The following ENOX1 variants were observed in gnomAD, a reference collection of about 807,000 sequenced individuals.
ENOX1 encodes candidate growth-related and time keeping constitutive hydroquinone (NADH) oxidase.
Under a neutral mutation model 82.5 loss-of-function variants are expected in ENOX1, and 42 were observed. The observed-to-expected ratio is 0.51, with a 90% CI of 0.40 to 0.66. ENOX1 has a LOEUF of 0.66. ENOX1 is among the 30% of genes least tolerant of loss of function. The pLI, the probability that ENOX1 is intolerant of heterozygous loss-of-function variation, is 0.00. For synonymous variants in ENOX1, 271 were observed against 282.2 expected (o/e 0.96, Z 0.40); for missense variants, 608 against 811.6 (o/e 0.75, Z 3.05).
intron 11 of ENOX1, among the ~76,000 whole-genome samples, chr13:43,304,164 A>T (rs2046737555): frequency 6.6e-6 from 1 of 152,188 alleles, no homozygotes; most frequent in African/African-American, 2.4e-5. Context: ...TTTGGGCAAA[A>T]GGCACAGTCA....
chr13:43,450,169 T>C (rs1272828075), intron 3 of ENOX1, among the ~76,000 whole-genome samples: 1 of 152,214 alleles, frequency 6.6e-6, no homozygotes, highest in Admixed American at 6.5e-5. Flanking sequence ...AAGTAAGTTC[T>C]GGCTGATGAG....
chr13:43,467,215 T>C (rs911369977), intron 3 of ENOX1, among the ~76,000 whole-genome samples: 8 of 152,214 alleles, frequency 5.3e-5, no homozygotes, highest in Admixed American at 5.2e-4. Context: ...TTACAGCACT[T>C]TACAATCCCA....
At chr13:43,370,623 G>A (rs7329258) in intron 5 of ENOX1, among the ~76,000 whole-genome samples, 1 of 151,790 alleles carries the variant, frequency 6.6e-6, no homozygotes, top group Non-Finnish European at 1.5e-5. Flanking sequence ...TGGGCATCTG[G>A]CCTACTCTAC....
chr13:43,598,192 A>G (rs9525807), intron 2 of ENOX1, among the ~76,000 whole-genome samples: 147,205 of 151,658 alleles, frequency 0.97, 71,602 homozygotes, highest in East Asian at 1. Context: ...ACACTACAAA[A>G]TAGGCCTTTA....
At chr13:43,258,899 C>T (rs542669102) in intron 14 of ENOX1, among the ~76,000 whole-genome samples, 26 of 152,262 alleles carry the variant, frequency 1.7e-4, no homozygotes, top group African/African-American at 6.3e-4. Context: ...GACCTACAGG[C>T]AGAGAATGAG....
intron 11 of ENOX1, 21 bp downstream of exon 11, chr13:43,322,363 T>C (rs774747289): frequency 6.3e-7 from 1 of 1,576,862 alleles, no homozygotes; most frequent in African/African-American, 1.3e-5. Flanking sequence ...CTCATGGGTC[T>C]GTGGCAGTTA....
rs1168474466 is a variant in ENOX1 at position 43,466,552 on chromosome 13, T to TA, written c.-75+17456dup. 2.6e-5 allele frequency among the ~76,000 whole-genome samples: 4 copies of TA among 152,264 alleles called. 1 individual carries two copies. Among genetic ancestry groups the TA allele is most frequent in the Admixed American group, 1.3e-4 (2 of 15,282 alleles). On this transcript the variant is annotated intron_variant, in intron 3 of 16. Coordinates refer to ENST00000690772, the MANE Select transcript of ENOX1 (RefSeq NM_001347969.2). Reference sequence around the variant, plus strand: ...AACTTTCTGAATGGTATATTTTGTATAAAAAATCCCATTAAACCTACCAAA... The same window carrying TA: ...AACTTTCTGAATGGTATATTTTGTATAAAAAAATCCCATTAAACCTACCAAA...
chr13:43,699,211 A>C (rs2086790584), intron 1 of ENOX1, among the ~76,000 whole-genome samples: 1 of 152,194 alleles, frequency 6.6e-6, no homozygotes, highest in South Asian at 2.1e-4. Flanking sequence ...TCAGCTAAGA[A>C]ATGACTTGAG....
chr13:43,507,440 A>G (rs1272817693), intron 2 of ENOX1, among the ~76,000 whole-genome samples: 3 of 152,058 alleles, frequency 2.0e-5, no homozygotes, highest in African/African-American at 7.2e-5. Flanking sequence ...TAACTTACAA[A>G]GGGGCAGGAA....
chr13:43,627,755 T>C (rs2083028961), intron 2 of ENOX1, among the ~76,000 whole-genome samples: 1 of 152,074 alleles, frequency 6.6e-6, no homozygotes, highest in African/African-American at 2.4e-5. Flanking sequence ...TATTGTTTCT[T>C]TTCTATTTAG....
At chr13:43,666,789 G>A (rs941023441) in intron 2 of ENOX1, among the ~76,000 whole-genome samples, 1 of 152,150 alleles carries the variant, frequency 6.6e-6, no homozygotes, top group Non-Finnish European at 1.5e-5. Context: ...CCTAATGTGG[G>A]TCTATCTATG....
intron 2 of ENOX1, among the ~76,000 whole-genome samples, chr13:43,609,534 C>A (rs1360583417): frequency 6.6e-6 from 1 of 152,194 alleles, no homozygotes; most frequent in East Asian, 1.9e-4. Flanking sequence ...CTCCTCTCAT[C>A]TAATGACAAC....
chr13:43,773,207 C>G (rs954991307), intron 1 of ENOX1, among the ~76,000 whole-genome samples: 1 of 152,214 alleles, frequency 6.6e-6, no homozygotes, highest in Non-Finnish European at 1.5e-5. Flanking sequence ...CAGACCACAT[C>G]ACTTCCCTTA....
chr13:43,652,751 G>T (rs562953572), intron 2 of ENOX1, among the ~76,000 whole-genome samples: 27 of 152,296 alleles, frequency 1.8e-4, no homozygotes, highest in African/African-American at 5.8e-4. Context: ...GGGCAGGAAG[G>T]TCTGGGAGGC....
chr13:43,756,167 C>A (rs1950628339), intron 1 of ENOX1, among the ~76,000 whole-genome samples: 1 of 152,136 alleles, frequency 6.6e-6, no homozygotes, highest in Admixed American at 6.5e-5. Context: ...GTGGCTCATG[C>A]CTGTAATCCC....
chr13:43,544,603 G>A (rs2078893948), intron 2 of ENOX1: 1 of 152,080 alleles, frequency 6.6e-6, no homozygotes, highest in Non-Finnish European at 1.5e-5. Flanking sequence ...TCCTGATAGA[G>A]TACACTTATT....
intron 2 of ENOX1, among the ~76,000 whole-genome samples, chr13:43,584,003 C>A (rs569338647): frequency 8.2e-4 from 125 of 152,256 alleles, no homozygotes; most frequent in African/African-American, 2.9e-3. Context: ...TGCATGTGCA[C>A]AGGATGAAGA....
At chr13:43,592,005 C>G (rs943283196) in intron 2 of ENOX1, among the ~76,000 whole-genome samples, 4 of 151,790 alleles carry the variant, frequency 2.6e-5, no homozygotes, top group Non-Finnish European at 4.4e-5. Flanking sequence ...GGAGGGCCAG[C>G]CTGTGGACCA....
At chr13:43,217,096 G>A (rs1440811634) in intron 16 of ENOX1, among the ~76,000 whole-genome samples, 1 of 152,160 alleles carries the variant, frequency 6.6e-6, no homozygotes, top group Admixed American at 6.5e-5. Flanking sequence ...TGGCTGTGGT[G>A]CCTTGTTCTT....
Sources: allele counts gnomAD v4.1 joint callset (sites outside exome capture counted in the v4.1 genomes callset), GRCh38; gene constraint gnomAD v4.1.1; transcripts MANE v1.5; gene names NCBI Gene and HGNC (gene_info 2026-07-23, HGNC 2026-07-21).